Variants in CPE observed in about 807,000 individuals in gnomAD.
CPE encodes carboxypeptidase E.
CPE carries 17 observed loss-of-function variants against 53.5 expected under a neutral mutation model. The observed-to-expected ratio is 0.32, with a 90% CI of 0.22 to 0.48. CPE has a LOEUF of 0.48. CPE is among the 20% of genes least tolerant of loss of function. The probability of loss-of-function intolerance (pLI) is 0.99; values close to 1 mark genes in which losing one functional copy is unlikely to be tolerated. For missense variants in CPE, 524 were observed against 614.7 expected, an observed-to-expected ratio of 0.85 and a Z score of 1.56; for synonymous variants, 226 against 228.8, an observed-to-expected ratio of 0.99 and a Z score of 0.11.
chr4:165,426,332 A>G (rs1731317225), intron 1 of CPE, among the ~76,000 whole-genome samples: 1 of 152,202 alleles, frequency 6.6e-6, no homozygotes, highest in Admixed American at 6.5e-5. Flanking sequence ...ATTCTGTTTA[A>G]ACAGGAAAAA....
chr4:165,445,425 T>G (rs1452881891), intron 1 of CPE, among the ~76,000 whole-genome samples: 1 of 152,208 alleles, frequency 6.6e-6, no homozygotes, highest in East Asian at 1.9e-4. Context: ...CTTTTAAAAT[T>G]TCTACTCCTA....
At position 165,484,576 on chromosome 4, in the gene CPE, C is replaced by T. The variant is rs201133905; in HGVS notation, c.945C>T (p.Asn315=). 2.2e-4 allele frequency: 359 copies of T among 1,613,996 alleles called. 4 individuals are homozygous for T. In the South Asian group the frequency reaches 2.7e-3, roughly 12 times the overall value. The part of the protein sequence containing the change: ...DDSSFVDGTT[N]GGAWYSVPGG... Reference sequence around the variant, plus strand: ...GCAGCTTTGTAGATGGAACCACCAACGGTGGTGCTTGGTACAGCGTACCTG... The same window carrying T: ...GCAGCTTTGTAGATGGAACCACCAATGGTGGTGCTTGGTACAGCGTACCTG... The change falls in exon 5 of 9, where the codon AAC becomes AAT. Residue 315 remains asparagine, a synonymous_variant. Transcript: ENST00000402744.
chr4:165,387,740 C>T (rs560218258), intron 1 of CPE, among the ~76,000 whole-genome samples: 1 of 152,250 alleles, frequency 6.6e-6, no homozygotes, highest in East Asian at 1.9e-4. Context: ...ACCTGGGAGG[C>T]GGAGGTTGTG....
intron 1 of CPE, among the ~76,000 whole-genome samples, chr4:165,447,523 A>C (rs1731736473): frequency 6.6e-6 from 1 of 151,962 alleles, no homozygotes; most frequent in Admixed American, 6.6e-5. Flanking sequence ...GTGAGCTGAG[A>C]TCACGCCACT....
rs180851091 is a variant in CPE, at chr4:165,459,983, C to T, written c.308-4407C>T. Among the ~76,000 whole-genome samples, 377 of 151,596 alleles carry T rather than the reference C, an allele frequency of 2.5e-3. 2 individuals are homozygous for T. The highest frequency in any genetic ancestry group is 8.6e-3 in the African/African-American group (356 of 41,326). On this transcript the variant is annotated intron_variant, in intron 1 of 8. Coordinates refer to ENST00000402744, the MANE Select transcript of CPE (RefSeq NM_001873.4). The stretch of plus-strand genomic sequence containing the variant: ...AGTAAGATGATGTAAAAACAACCAT[C>T]CCCAGTGTCCTGAGGGTAGTGCTTC...
chr4:165,452,817 G>C (rs983607954), intron 1 of CPE, among the ~76,000 whole-genome samples: 1 of 151,950 alleles, frequency 6.6e-6, no homozygotes, highest in Non-Finnish European at 1.5e-5. Flanking sequence ...TCCTGCCCTG[G>C]CATCAGAATC....
At chr4:165,387,129 T>C (rs1289472577) in intron 1 of CPE, among the ~76,000 whole-genome samples, 2 of 152,206 alleles carry the variant, frequency 1.3e-5, no homozygotes, top group Non-Finnish European at 2.9e-5. Context: ...CTTTTTCTAA[T>C]AAAACATGGC....
At chr4:165,389,832 G>T (rs1579239170) in intron 1 of CPE, among the ~76,000 whole-genome samples, 1 of 152,168 alleles carries the variant, frequency 6.6e-6, no homozygotes, top group Non-Finnish European at 1.5e-5. Flanking sequence ...TATTTTCACA[G>T]TTGCCAAATT....
At position 165,463,980 on chromosome 4, in the gene CPE, G is replaced by C. The variant is rs140833071; in HGVS notation, c.308-410G>C. Among the ~76,000 whole-genome samples, 524 of 152,340 alleles carry C rather than the reference G, an allele frequency of 3.4e-3. 2 individuals carry two copies. The highest frequency in any genetic ancestry group is 0.012 in the African/African-American group (491 of 41,582). On this transcript the variant is annotated intron_variant, in intron 1 of 8. Coordinates refer to ENST00000402744, the MANE Select transcript of CPE (RefSeq NM_001873.4). The stretch of plus-strand genomic sequence containing the variant: ...TCTGGTGAGGCCTCTCCTCCTGGCT[G>C]CCGCCTTCTCACTGTGCTCTCACAT...
Position 165,453,210 on chromosome 4 carries a change from G to A in CPE, c.308-11180G>A, listed in dbSNP as rs184006354. Among the ~76,000 whole-genome samples the A allele has an allele frequency of 6.6e-5, 10 of 151,998 alleles. No homozygotes were observed. The East Asian group carries it at 1.6e-3, about 24-fold the overall frequency. ...CCTGACCTCGTGATCCGCCCACCTCGGCCTCCCAAAGTGCTAGGATGAAGG... is the reference window on the plus strand; with the variant it reads ...CCTGACCTCGTGATCCGCCCACCTCAGCCTCCCAAAGTGCTAGGATGAAGG... On this transcript the variant is annotated intron_variant, in intron 1 of 8. Transcript: ENST00000402744.
chr4:165,431,037 T>C (rs1354618553), intron 1 of CPE, among the ~76,000 whole-genome samples: 1 of 152,210 alleles, frequency 6.6e-6, no homozygotes, highest in Admixed American at 6.5e-5. Flanking sequence ...CTAAGACAGT[T>C]CTTCAGCAGC....
At chr4:165,494,979 A>G (rs922793916) in intron 7 of CPE, among the ~76,000 whole-genome samples, 10 of 152,236 alleles carry the variant, frequency 6.6e-5, no homozygotes, top group African/African-American at 2.4e-4. Context: ...TCAGGAATGC[A>G]GAACCTGGGA....
intron 1 of CPE, among the ~76,000 whole-genome samples, chr4:165,399,520 C>T (rs187858523): frequency 4.6e-5 from 7 of 152,200 alleles, no homozygotes; most frequent in East Asian, 1.9e-4. Context: ...TACAGGCACA[C>T]GCTAACACAC....
Position 165,379,140 on chromosome 4 carries a change from C to T in CPE, c.-82C>T, listed in dbSNP as rs1475054523. 2 of 1,158,326 alleles carry T rather than the reference C, an allele frequency of 1.7e-6. No individual in the cohort carries two copies. The highest frequency in any genetic ancestry group is 1.6e-5 in the African/African-American group (1 of 62,310). The allele number at this position is 1,158,326 out of a possible 1,614,324, so 71.8% of individuals were successfully genotyped here. A position where few individuals can be genotyped will look rare whatever the true frequency, so the allele number is the denominator to read the frequency against. On this transcript the variant is annotated 5_prime_UTR_variant, in exon 1 of 9. Transcript: ENST00000402744. The surrounding 1 kb of genome is among the most constrained non-coding windows in gnomAD (Gnocchi z 6.0). Reference sequence around the variant, plus strand: ...GCGGAACTTGCCGCCCCCAGCAGCGCCGGCGGGCTAAGCCCAGGGCCGGGC... The same window carrying T: ...GCGGAACTTGCCGCCCCCAGCAGCGTCGGCGGGCTAAGCCCAGGGCCGGGC...
intron 1 of CPE, among the ~76,000 whole-genome samples, chr4:165,383,328 C>G (rs1374323132): frequency 1.3e-5 from 2 of 152,096 alleles, no homozygotes; most frequent in East Asian, 1.9e-4. Flanking sequence ...CTCACGTATT[C>G]AAACCCAAAC....
chr4:165,455,210 A>G (rs1731880410), intron 1 of CPE, among the ~76,000 whole-genome samples: 1 of 152,252 alleles, frequency 6.6e-6, no homozygotes, highest in Non-Finnish European at 1.5e-5. Flanking sequence ...CACTCGAATC[A>G]TAGTTGCTGC....
Position 165,405,168 on chromosome 4 carries a change from A to G in CPE, c.307+25640A>G, listed in dbSNP as rs1314365219. On this transcript the variant is annotated intron_variant, in intron 1 of 8. Coordinates refer to ENST00000402744, the MANE Select transcript of CPE (RefSeq NM_001873.4). The stretch of plus-strand genomic sequence containing the variant: ...CCTTTGAACACTTGTTGCTGTCCTC[A>G]GCCTAACCCAGTGAGTGTGGCATCT... The G allele has an allele frequency of 1.8e-5, 14 of 773,038 alleles. No individual in the cohort carries two copies. In the African/African-American group the frequency reaches 2.4e-4, roughly 13 times the overall value. The allele number at this position is 773,038 out of a possible 1,614,324, so 47.9% of individuals were successfully genotyped here. A position where few individuals can be genotyped will look rare whatever the true frequency, so the allele number is the denominator to read the frequency against.
At chr4:165,440,807 A>C (rs191057851) in intron 1 of CPE, among the ~76,000 whole-genome samples, 1 of 152,260 alleles carries the variant, frequency 6.6e-6, no homozygotes, top group African/African-American at 2.4e-5. Context: ...ACTAATTAGC[A>C]CTTGAAAACT....
intron 3 of CPE, among the ~76,000 whole-genome samples, chr4:165,474,299 G>T (rs182463732): frequency 2.0e-5 from 3 of 152,218 alleles, no homozygotes; most frequent in Admixed American, 2.0e-4. Flanking sequence ...TTTTCTCCCA[G>T]TTCATTTTTA....
Sources: gnomAD v4.1 joint callset for allele counts (sites outside exome capture counted in the v4.1 genomes callset) on GRCh38, gnomAD v4.1.1 for gene constraint, Gnocchi (gnomAD v3.1) non-coding constraint, MANE v1.5 for transcripts, NCBI Gene and HGNC (gene_info 2026-07-23, HGNC 2026-07-21) for gene names.